Variants in ARHGAP23 observed in about 807,000 individuals in gnomAD.
ARHGAP23 encodes the protein Rho GTPase activating protein 23, also known as rho GTPase-activating protein 23.
Under a neutral mutation model 136.3 loss-of-function variants are expected in ARHGAP23, and 34 were observed. The ratio of observed to expected loss-of-function variants is 0.25; its 90% CI spans 0.19 to 0.33. The LOEUF (loss-of-function observed/expected upper bound fraction) is 0.33, where lower values mean the gene tolerates loss of function less well. Ranked by LOEUF, ARHGAP23 falls within the 10% of genes least tolerant of loss-of-function variation. The probability of loss-of-function intolerance (pLI) is 1.00; values close to 1 mark genes in which losing one functional copy is unlikely to be tolerated. For missense variants in ARHGAP23, 1,808 were observed against 2,139.0 expected (o/e 0.85, Z 3.05); for synonymous variants, 832 against 920.5 (o/e 0.90, Z 1.74).
At chr17:38,466,106 C>T (rs1330283451) in intron 6 of ARHGAP23, 61 bp from the exon 7 acceptor site, 9 of 1,368,124 alleles carry the variant, frequency 6.6e-6, no homozygotes, top group African/African-American at 3.0e-5. Context: ...CTCGGGCTGC[C>T]GTTCCCCTAC....
At chr17:38,472,284 C>G (rs1017641883) in intron 11 of ARHGAP23, among the ~76,000 whole-genome samples, 11 of 152,220 alleles carry the variant, frequency 7.2e-5, no homozygotes, top group Non-Finnish European at 1.3e-4. Flanking sequence ...CCTGGCTTGA[C>G]AGGCCATCCT....
rs765771265 is a variant in ARHGAP23 at position 38,466,392 on chromosome 17, C to T, written c.709C>T (p.Arg237Cys). Residue 237 changes from arginine to cysteine, a missense_variant, in exon 7 of 24, where the codon CGT becomes TGT. Around this residue, in one of 7 missense-constraint regions of ARHGAP23, gnomAD observed 859 missense variants for 936.4 expected, o/e 0.92. Transcript: ENST00000622683. ...GGGGCTCCGTGTGCCACCTGCTGCCCGTGCCCACCTGGACAACTCTTCCTT... is the reference window on the plus strand; with the variant it reads ...GGGGCTCCGTGTGCCACCTGCTGCCTGTGCCCACCTGGACAACTCTTCCTT... Reference protein sequence around the residue: ...DPGLRVPPAARAHLDNSSLGM... With the variant: ...DPGLRVPPAACAHLDNSSLGM... The T allele has an allele frequency of 2.4e-5, 37 of 1,534,582 alleles. No individual in the cohort carries two copies. The highest frequency in any genetic ancestry group is 1.7e-4 in the South Asian group (14 of 83,474).
At chr17:38,437,683 C>T (rs778263924) in intron 1 of ARHGAP23, among the ~76,000 whole-genome samples, 9 of 150,790 alleles carry the variant, frequency 6.0e-5, no homozygotes, top group African/African-American at 2.4e-5. Flanking sequence ...ATTGTGGTGA[C>T]TGCTGTATTC....
chr17:38,462,246 C>A (rs1224750199), intron 3 of ARHGAP23, among the ~76,000 whole-genome samples: 3 of 106,120 alleles, frequency 2.8e-5, no homozygotes, highest in African/African-American at 3.7e-5. Flanking sequence ...CCGCACCCGG[C>A]CTTTTTTTTT....
intron 11 of ARHGAP23, among the ~76,000 whole-genome samples, chr17:38,472,348 C>T (rs1195053315): frequency 5.3e-5 from 8 of 152,108 alleles, no homozygotes; most frequent in South Asian, 2.1e-4. Flanking sequence ...GGGTGATTTC[C>T]GTAGGAGAGC....
intron 3 of ARHGAP23, among the ~76,000 whole-genome samples, chr17:38,461,883 CAT>C (rs1463159922): frequency 2.0e-5 from 3 of 152,254 alleles, no homozygotes; most frequent in South Asian, 2.1e-4. Context: ...GTGTGCTGCA[CAT>C]GTGTGTGTGA....
intron 1 of ARHGAP23, among the ~76,000 whole-genome samples, chr17:38,442,582 T>C (rs903434954): frequency 6.6e-6 from 1 of 152,150 alleles, no homozygotes; most frequent in African/African-American, 2.4e-5. Flanking sequence ...GGTGCACAGG[T>C]AACTGACCTG....
upstream of ARHGAP23, chr17:38,428,419 C>T (rs2038606470): frequency 2.2e-6 from 2 of 917,500 alleles, no homozygotes; most frequent in Non-Finnish European, 2.9e-6. Context: ...CCCCCGGCCC[C>T]GCCCCTCCCG....
chr17:38,459,165 A>G (rs1457435521), intron 2 of ARHGAP23, among the ~76,000 whole-genome samples: 1 of 152,176 alleles, frequency 6.6e-6, no homozygotes, highest in Non-Finnish European at 1.5e-5. Flanking sequence ...CACTTTCCCT[A>G]GGACCGGGAT....
intron 1 of ARHGAP23, among the ~76,000 whole-genome samples, chr17:38,435,576 C>T (rs1220613171): frequency 1.3e-5 from 2 of 152,212 alleles, no homozygotes; most frequent in Admixed American, 6.5e-5. Flanking sequence ...CTTGGCCTCA[C>T]GGCAGTCTCT....
chr17:38,453,850 A>T (rs1242415540), intron 1 of ARHGAP23: 1 of 142,660 alleles, frequency 7.0e-6, no homozygotes, highest in African/African-American at 2.5e-5. Context: ...GGGGTCGAGG[A>T]CGCCGTCTGC....
chr17:38,446,374 T>C (rs1267636279), intron 1 of ARHGAP23, among the ~76,000 whole-genome samples: 1 of 152,120 alleles, frequency 6.6e-6, no homozygotes, highest in Non-Finnish European at 1.5e-5. Flanking sequence ...ATTCATATCA[T>C]GTATGTATTA....
rs1185599806 is a variant in ARHGAP23, at chr17:38,510,931, C to G, written c.4435C>G (p.Pro1479Ala). 3 of 1,471,290 alleles carry G rather than the reference C, an allele frequency of 2.0e-6. No homozygotes were observed. The highest frequency in any genetic ancestry group is 1.3e-5 in the South Asian group (1 of 75,812). The allele number at this position is 1,471,290 out of a possible 1,614,324, so 91.1% of individuals were successfully genotyped here. A position where few individuals can be genotyped will look rare whatever the true frequency, so the allele number is the denominator to read the frequency against. ...CACGGGGTCCCTGCAGAGCCAGCCCCCGCGCCGCTCGGCCGCCTCCCGCCT... is the reference window on the plus strand; with the variant it reads ...CACGGGGTCCCTGCAGAGCCAGCCCGCGCGCCGCTCGGCCGCCTCCCGCCT... ...GDTGSLQSQP[P>A]RRSAASRLHQ... Residue 1479 changes from proline (P) to alanine (A), a missense_variant, in exon 24 of 24, where the codon CCG becomes GCG. By Grantham distance (27) the Pro-to-Ala change is conservative. Coordinates refer to ENST00000622683, the MANE Select transcript of ARHGAP23 (RefSeq NM_001199417.2). The surrounding 1 kb of genome is among the most constrained non-coding windows in gnomAD (Gnocchi z 4.6).
At chr17:38,439,234 G>T (rs923471918) in intron 1 of ARHGAP23, among the ~76,000 whole-genome samples, 1 of 151,152 alleles carries the variant, frequency 6.6e-6, no homozygotes, top group African/African-American at 2.4e-5. Context: ...GAAACTTGCT[G>T]TACCGTCTCT....
rs566464909 is a variant in ARHGAP23, at chr17:38,491,214, G to T, written c.3151-193G>T. ...GTTGGGCACTGCTCATGGCTGCTGGGCCTGGGGATGAAAGGGGCTGAAATC... is the reference window on the plus strand; with the variant it reads ...GTTGGGCACTGCTCATGGCTGCTGGTCCTGGGGATGAAAGGGGCTGAAATC... On this transcript the variant is annotated intron_variant, in intron 19 of 23. Transcript: ENST00000622683. Among the ~76,000 whole-genome samples the T allele has an allele frequency of 2.6e-5, 4 of 152,356 alleles. No individual in the cohort carries two copies. The South Asian group carries it at 8.3e-4, about 32-fold the overall frequency.
chr17:38,510,227 G>A lies in ARHGAP23; in HGVS notation c.3731G>A (p.Arg1244His). 4 of 1,378,368 alleles carry A rather than the reference G, an allele frequency of 2.9e-6. No homozygotes were observed. The highest frequency in any genetic ancestry group is 2.8e-5 in the Admixed American group (1 of 35,514). The allele number at this position is 1,378,368 out of a possible 1,614,324, so 85.4% of individuals were successfully genotyped here. A position where few individuals can be genotyped will look rare whatever the true frequency, so the allele number is the denominator to read the frequency against. Residue 1244 changes from arginine to histidine, a missense_variant, in exon 24 of 24, where the codon CGC becomes CAC. This residue lies in a region of ARHGAP23 where 506 missense variants were observed against 455.8 expected (regional missense o/e 1.11). Transcript: ENST00000622683. The surrounding 1 kb of genome is among the most constrained non-coding windows in gnomAD (Gnocchi z 4.6). ...APEERPAADT[R>H]SIVSGYSTLS... ...GAGGAGCGGCCGGCCGCGGACACGC[G>A]CTCCATTGTGTCGGGCTACTCCACC...
intron 1 of ARHGAP23, among the ~76,000 whole-genome samples, chr17:38,439,603 T>C (rs1490974430): frequency 1.3e-5 from 2 of 152,246 alleles, no homozygotes; most frequent in Non-Finnish European, 2.9e-5. Context: ...CTGAGCACTT[T>C]ACACACACCG....
chr17:38,428,685 G>C (rs2038616756), intron 1 of ARHGAP23, 137 bp downstream of exon 1: 2 of 524,874 alleles, frequency 3.8e-6, no homozygotes, highest in South Asian at 1.1e-4. Flanking sequence ...GGGCACCGCT[G>C]CGGGGAGATT....
chr17:38,496,884 C>T (rs1390372589), intron 20 of ARHGAP23, among the ~76,000 whole-genome samples: 4 of 151,348 alleles, frequency 2.6e-5, no homozygotes, highest in African/African-American at 9.7e-5. Context: ...ACACAGGAGG[C>T]AGAGGTTGCA....
Sources: gnomAD v4.1 joint callset for allele counts (sites outside exome capture counted in the v4.1 genomes callset) on GRCh38, gnomAD v4.1.1 for gene constraint, gnomAD v4.1.1 regional missense constraint, Gnocchi (gnomAD v3.1) non-coding constraint, MANE v1.5 for transcripts, NCBI Gene and HGNC (gene_info 2026-07-23, HGNC 2026-07-21) for gene names.